Variants in CUBN observed in about 807,000 individuals in gnomAD.
The protein encoded by CUBN is 460 kDa receptor.
A neutral mutation model predicts 405.3 loss-of-function variants in CUBN; 282 were observed. The observed-to-expected ratio is 0.70, with a 90% CI of 0.63 to 0.77. The LOEUF is 0.77. Ranked by LOEUF, CUBN falls within the 30% of genes least tolerant of loss-of-function variation. The pLI is 0.00. For synonymous variants in CUBN, 1,684 were observed against 1,617.0 expected, an observed-to-expected ratio of 1.04 and a Z score of -0.99; for missense variants, 4,514 against 4,475.2, an observed-to-expected ratio of 1.01 and a Z score of -0.25.
At chr10:16,861,183 A>G (rs1035885114) in intron 59 of CUBN, among the ~76,000 whole-genome samples, 3 of 147,216 alleles carry the variant, frequency 2.0e-5, no homozygotes, top group African/African-American at 7.6e-5. Flanking sequence ...TTTTTTTGAG[A>G]TAGAGTTTCA....
rs12248535 is a variant in CUBN at position 17,113,888 on chromosome 10, C to T, written c.883+139G>A. 5,032 of 843,780 alleles carry T rather than the reference C, an allele frequency of 6.0e-3. 51 individuals carry two copies. The highest frequency in any genetic ancestry group is 0.037 in the African/African-American group (2,204 of 59,440). 52.3% of individuals were successfully genotyped at this position (843,780 alleles called of 1,614,324 possible). On this transcript the variant is annotated intron_variant, in intron 8 of 66. Transcript: ENST00000377833. ...GGAATTGTGATAGCAGTGAGATCGT[C>T]GAGCAGAACCAGGACACAAAACTGG... is the stretch of plus-strand genomic sequence containing the variant.
At chr10:17,035,093 A>C (rs1310045216) in intron 27 of CUBN, among the ~76,000 whole-genome samples, 2 of 33,666 alleles carry the variant, frequency 5.9e-5, no homozygotes, top group East Asian at 3.1e-3. Context: ...AAAAAAAAAT[A>C]AACAAATGAA....
intron 37 of CUBN, 102 bp downstream of exon 37, chr10:16,939,930 A>C: frequency 9.9e-7 from 1 of 1,006,334 alleles, no homozygotes; most frequent in Non-Finnish European, 1.6e-6. Context: ...AAAATAGTGT[A>C]GAGTTTAGGA....
chr10:16,937,756 C>T lies in CUBN; in HGVS notation c.5762G>A (p.Arg1921His), dbSNP rs192022688. The T allele has an allele frequency of 1.2e-4, 186 of 1,613,930 alleles. No individual in the cohort carries two copies. The highest frequency in any genetic ancestry group is 1.6e-4 in the Middle Eastern group (1 of 6,062). ...GGTACCACAGTAAGCTCCAATTAGG[C>T]GGGCGTGAATGCTAGGCCCATCATA... The part of the protein sequence containing the change: ...RIYDGPSIHA[R>H]LIGAYCGTQT... Residue 1921 changes from arginine to histidine, a missense_variant, in exon 39 of 67, where the codon CGC becomes CAC. Arg to His is a conservative substitution (Grantham distance 29). This residue lies in a region of CUBN where 1,613 missense variants were observed against 1,542.8 expected (regional missense o/e 1.05). Coordinates refer to ENST00000377833, the MANE Select transcript of CUBN (RefSeq NM_001081.4).
chr10:17,089,622 T>C (rs761658454), intron 14 of CUBN, among the ~76,000 whole-genome samples: 5 of 152,318 alleles, frequency 3.3e-5, no homozygotes, highest in East Asian at 1.9e-4. Flanking sequence ...TGTGGGGACA[T>C]AGACATTCTC....
intron 10 of CUBN, among the ~76,000 whole-genome samples, chr10:17,106,672 C>G (rs1197226818): frequency 6.6e-6 from 1 of 151,122 alleles, no homozygotes; most frequent in Non-Finnish European, 1.5e-5. Flanking sequence ...AGTACACAGA[C>G]AGCCTGTCCC....
chr10:16,844,456 T>C (rs1044266635), intron 60 of CUBN, among the ~76,000 whole-genome samples: 12 of 152,102 alleles, frequency 7.9e-5, no homozygotes, highest in African/African-American at 2.9e-4. Flanking sequence ...CAAACAAAGC[T>C]GTGAAGTTCC....
At chr10:16,987,237 TA>T (rs1833451255) in intron 29 of CUBN, among the ~76,000 whole-genome samples, 1 of 152,072 alleles carries the variant, frequency 6.6e-6, no homozygotes, top group Non-Finnish European at 1.5e-5. Flanking sequence ...CTTCCACAAA[TA>T]AAACCGATAG....
intron 17 of CUBN, among the ~76,000 whole-genome samples, 162 bp downstream of exon 17, chr10:17,084,109 G>A (rs942571289): frequency 3.3e-5 from 5 of 151,976 alleles, no homozygotes; most frequent in African/African-American, 4.8e-5. Flanking sequence ...AGCCTTATTT[G>A]CCTGCACCTT....
chr10:17,045,425 T>C (rs1413497064), intron 24 of CUBN, among the ~76,000 whole-genome samples: 2 of 151,008 alleles, frequency 1.3e-5, no homozygotes, highest in South Asian at 4.2e-4. Context: ...AACGGCATGA[T>C]CTTGACTCAC....
chr10:16,876,021 T>C (rs1164896448), intron 57 of CUBN, among the ~76,000 whole-genome samples: 1 of 152,222 alleles, frequency 6.6e-6, no homozygotes, highest in Non-Finnish European at 1.5e-5. Flanking sequence ...AGGATGCCGA[T>C]AGCAGCTAAT....
rs139596037 is a variant in CUBN at position 16,836,296 on chromosome 10, G to T, written c.10119C>A (p.Val3373=). The T allele has an allele frequency of 2.4e-3, 3,849 of 1,613,438 alleles. 6 individuals carry two copies. The highest frequency in any genetic ancestry group is 3.0e-3 in the Non-Finnish European group (3,541 of 1,179,408). The part of the protein sequence containing the change: ...VFYSSMSTAM[V]IFKSGVVNRN... ...TGTTTACAACTCCAGATTTGAAAATGACCATTGCAGTACTCATAGAAGAAT... is the reference window on the plus strand; with the variant it reads ...TGTTTACAACTCCAGATTTGAAAATTACCATTGCAGTACTCATAGAAGAAT... Residue 3373 remains valine, a synonymous_variant, in exon 63 of 67, where the codon GTC becomes GTA. Transcript: ENST00000377833.
chr10:17,124,714 C>T (rs1244806188), intron 4 of CUBN, among the ~76,000 whole-genome samples: 1 of 152,178 alleles, frequency 6.6e-6, no homozygotes, highest in Non-Finnish European at 1.5e-5. Context: ...AGGTGTGAGC[C>T]ACCGCGCCCA....
intron 56 of CUBN, among the ~76,000 whole-genome samples, chr10:16,881,968 A>G (rs1840674855): frequency 6.6e-6 from 1 of 152,224 alleles, no homozygotes; most frequent in African/African-American, 2.4e-5. Flanking sequence ...TAAAGGCATC[A>G]GAAAATAATT....
At chr10:17,093,446 T>C (rs527344966) in intron 14 of CUBN, among the ~76,000 whole-genome samples, 4 of 152,232 alleles carry the variant, frequency 2.6e-5, no homozygotes, top group Non-Finnish European at 5.9e-5. Context: ...AGGAGTAAGA[T>C]TCATATTCTA....
chr10:17,083,564 G>A (rs1242794103), intron 17 of CUBN, among the ~76,000 whole-genome samples: 4 of 66,572 alleles, frequency 6.0e-5, no homozygotes, highest in Non-Finnish European at 3.1e-5. Context: ...TAGTGCTATG[G>A]TCAATGCACT....
chr10:16,964,904 C>T (rs1447683722), intron 31 of CUBN, among the ~76,000 whole-genome samples: 1 of 152,216 alleles, frequency 6.6e-6, no homozygotes, highest in Admixed American at 6.5e-5. Flanking sequence ...ACAACTGTAT[C>T]GTAGACATCA....
At chr10:17,120,948 A>T (rs1052270244) in intron 6 of CUBN, among the ~76,000 whole-genome samples, 1 of 152,188 alleles carries the variant, frequency 6.6e-6, no homozygotes, top group Admixed American at 6.5e-5. Context: ...GACATTTGCC[A>T]CCAATGCCTC....
intron 56 of CUBN, among the ~76,000 whole-genome samples, chr10:16,884,127 C>T (rs1840742800): frequency 6.6e-6 from 1 of 152,042 alleles, no homozygotes; most frequent in African/African-American, 2.4e-5. Context: ...CTACAGGGGC[C>T]CGCCACCACG....
Sources: gnomAD v4.1 joint callset for allele counts (sites outside exome capture counted in the v4.1 genomes callset) on GRCh38, gnomAD v4.1.1 for gene constraint, gnomAD v4.1.1 regional missense constraint, MANE v1.5 for transcripts, NCBI Gene and HGNC (gene_info 2026-07-23, HGNC 2026-07-21) for gene names.